STOX1: variants seen among roughly 807,000 people sequenced by gnomAD.
STOX1 encodes storkhead box 1, also known as storkhead-box protein 1.
STOX1 carries 57 observed loss-of-function variants against 74.8 expected under a neutral mutation model. That is an observed-to-expected ratio of 0.76 (90% CI 0.62 to 0.95). The LOEUF (loss-of-function observed/expected upper bound fraction) is 0.95. Among genes scored for constraint, STOX1 ranks in the 40% least tolerant of loss-of-function variants. The pLI is 0.00. For missense variants in STOX1, 1,010 were observed against 1,117.0 expected (o/e 0.90, Z 1.37); for synonymous variants, 375 against 401.3 (o/e 0.93, Z 0.78).
intron 1 of STOX1, among the ~76,000 whole-genome samples, chr10:68,858,835 C>G (rs1293360795): frequency 6.6e-6 from 1 of 152,042 alleles, no homozygotes; most frequent in Admixed American, 6.5e-5. Flanking sequence ...GAGAAGCAGG[C>G]AAGGCTGCAG....
chr10:68,841,206 A>G (rs1232142584), intron 1 of STOX1, among the ~76,000 whole-genome samples: 2 of 152,152 alleles, frequency 1.3e-5, no homozygotes, highest in African/African-American at 2.4e-5. Flanking sequence ...TGGTCTCCCA[A>G]AGTGCTGGGC....
chr10:68,857,549 GTC>G (rs1840157373), intron 1 of STOX1, among the ~76,000 whole-genome samples: 1 of 152,094 alleles, frequency 6.6e-6, no homozygotes, highest in Admixed American at 6.5e-5. Context: ...TCTTTCTGGA[GTC>G]TCTCACTATA....
intron 1 of STOX1, among the ~76,000 whole-genome samples, chr10:68,839,721 C>T (rs1263993258): frequency 6.6e-6 from 1 of 152,164 alleles, no homozygotes; most frequent in Non-Finnish European, 1.5e-5. Flanking sequence ...AAAACCCCAT[C>T]TCTACTAAAA....
chr10:68,876,548 A>T (rs982426161), intron 1 of STOX1, among the ~76,000 whole-genome samples: 3 of 152,224 alleles, frequency 2.0e-5, no homozygotes, highest in African/African-American at 7.2e-5. Context: ...AAAGTGTAGC[A>T]GGCACAAATA....
At position 68,840,736 on chromosome 10, in the gene STOX1, A is replaced by G. The variant is rs187211032; in HGVS notation, c.310+12803A>G. ...CCACCACGCCTGGCTAATTTTTTGT[A>G]TTTCTAGTAGAGATAGGGTTTTGCC... On this transcript the variant is annotated intron_variant, in intron 1 of 3. Transcript: ENST00000298596. Among the ~76,000 whole-genome samples, 220 of 149,900 alleles carry G rather than the reference A, an allele frequency of 1.5e-3. 1 individual carries two copies. The highest frequency in any genetic ancestry group is 5.1e-3 in the African/African-American group (209 of 40,738).
intron 1 of STOX1, among the ~76,000 whole-genome samples, chr10:68,867,008 C>T (rs959652751): frequency 3.1e-4 from 45 of 145,202 alleles, no homozygotes; most frequent in Admixed American, 3.1e-3. Context: ...TGCAGTGGCA[C>T]GATCTCAGTC....
intron 1 of STOX1, among the ~76,000 whole-genome samples, chr10:68,858,729 G>C (rs1308967396): frequency 6.6e-6 from 1 of 152,004 alleles, no homozygotes; most frequent in African/African-American, 2.4e-5. Flanking sequence ...AGCAGGGATG[G>C]GGAAGCACCT....
intron 1 of STOX1, among the ~76,000 whole-genome samples, chr10:68,835,646 G>A (rs527568581): frequency 1.1e-3 from 171 of 152,216 alleles, no homozygotes; most frequent in Non-Finnish European, 1.9e-3. Context: ...ATGAGCCACC[G>A]TGCCTGGCCT....
intron 3 of STOX1, among the ~76,000 whole-genome samples, chr10:68,890,568 T>A (rs894142433): frequency 2.0e-5 from 3 of 152,146 alleles, no homozygotes; most frequent in Non-Finnish European, 4.4e-5. Context: ...CATTTCTGAG[T>A]TTTTTTCTTA....
chr10:68,861,036 C>T (rs1183857710), intron 1 of STOX1, among the ~76,000 whole-genome samples: 2 of 152,070 alleles, frequency 1.3e-5, no homozygotes, highest in South Asian at 4.1e-4. Flanking sequence ...TGGAGAAACC[C>T]TGTCTCTACT....
chr10:68,830,262 T>C (rs1380651141), intron 1 of STOX1, among the ~76,000 whole-genome samples: 9 of 152,300 alleles, frequency 5.9e-5, no homozygotes, highest in Non-Finnish European at 1.5e-5. Flanking sequence ...TGCAACGCAG[T>C]GGACTTCCGC....
intron 1 of STOX1, among the ~76,000 whole-genome samples, chr10:68,838,110 A>G (rs1354784640): frequency 6.7e-6 from 1 of 148,606 alleles, no homozygotes; most frequent in Non-Finnish European, 1.5e-5. Context: ...TCTGTTGCCC[A>G]GGCTGGAGTG....
chr10:68,880,829 G>C (rs1840800097), intron 1 of STOX1, among the ~76,000 whole-genome samples: 1 of 151,982 alleles, frequency 6.6e-6, no homozygotes, highest in East Asian at 1.9e-4. Flanking sequence ...GAGTAGCTGG[G>C]ATTACAGGAG....
chr10:68,893,266 C>G (rs1049000366), downstream of STOX1, among the ~76,000 whole-genome samples: 1 of 152,228 alleles, frequency 6.6e-6, no homozygotes, highest in African/African-American at 2.4e-5. Flanking sequence ...GTTGGCTACT[C>G]TGCAACAAGA....
chr10:68,892,514 T>C (rs1014830874), intron 3 of STOX1, 75 bp from the exon 4 acceptor site: 1 of 1,384,022 alleles, frequency 7.2e-7, no homozygotes, highest in African/African-American at 1.4e-5. Context: ...AAGTAGCAAA[T>C]GGAAGTATAA....
intron 1 of STOX1, among the ~76,000 whole-genome samples, chr10:68,867,104 C>G (rs1024442345): frequency 6.6e-6 from 1 of 151,994 alleles, no homozygotes; most frequent in African/African-American, 2.4e-5. Context: ...GCCACCACGC[C>G]CAGCTATTTT....
At chr10:68,867,101 C>T (rs373757599) in intron 1 of STOX1, among the ~76,000 whole-genome samples, 2 of 151,974 alleles carry the variant, frequency 1.3e-5, no homozygotes, top group Non-Finnish European at 2.9e-5. Flanking sequence ...CCCGCCACCA[C>T]GCCCAGCTAT....
intron 1 of STOX1, among the ~76,000 whole-genome samples, chr10:68,856,659 A>G (rs1322230482): frequency 6.6e-6 from 1 of 152,062 alleles, no homozygotes; most frequent in Non-Finnish European, 1.5e-5. Flanking sequence ...TCTCCAAGTC[A>G]GTAGGCCAGA....
At chr10:68,888,802 A>ATTT (rs35174437) in intron 3 of STOX1, among the ~76,000 whole-genome samples, 5,346 of 32,146 alleles carry the variant, frequency 0.17, 1,395 homozygotes, top group East Asian at 0.31. Flanking sequence ...TGCCCAGCTA[A>ATTT]TTTTTTTTTT....
Sources: gnomAD v4.1 joint callset for allele counts (sites outside exome capture counted in the v4.1 genomes callset) on GRCh38, gnomAD v4.1.1 for gene constraint, MANE v1.5 for transcripts, NCBI Gene and HGNC (gene_info 2026-07-23, HGNC 2026-07-21) for gene names.